Variants in ADGRG3 observed in about 807,000 individuals in gnomAD.
ADGRG3 encodes the protein G protein-coupled receptor 97.
A neutral mutation model predicts 54.3 loss-of-function variants in ADGRG3; 39 were observed. That is an observed-to-expected ratio of 0.72 (90% CI 0.56 to 0.94). The LOEUF is 0.94. Among genes scored for constraint, ADGRG3 ranks in the 40% least tolerant of loss-of-function variants. The probability of loss-of-function intolerance (pLI) is 0.00; values close to 1 mark genes in which losing one functional copy is unlikely to be tolerated. For missense variants in ADGRG3, 654 were observed against 694.6 expected (o/e 0.94, Z 0.66); for synonymous variants, 312 against 290.0 (o/e 1.08, Z -0.77).
At chr16:57,683,302 G>A (rs916733874) in intron 8 of ADGRG3, among the ~76,000 whole-genome samples, 20 of 152,158 alleles carry the variant, frequency 1.3e-4, no homozygotes, top group African/African-American at 4.8e-4. Flanking sequence ...CTTTGGGCCC[G>A]TGTACGTTTG....
upstream of ADGRG3, among the ~76,000 whole-genome samples, chr16:57,668,022 G>A (rs562217679): frequency 2.6e-5 from 4 of 152,316 alleles, no homozygotes; most frequent in Non-Finnish European, 5.9e-5. Flanking sequence ...CCAGGGATCC[G>A]CTCTGAGCCA....
At position 57,676,280 on chromosome 16, in the gene ADGRG3, T is replaced by G. The variant is rs772490521; in HGVS notation, c.287T>G (p.Val96Gly). ...KVNTPFLKAL[V>G]QNLSTNTAED... ...AACACGCCTTTCCTGAAGGCTTTGG[T>G]CCAGAACCTCAGCACCAACACTGCA... is the stretch of plus-strand genomic sequence containing the variant. Residue 96 changes from valine (V) to glycine (G), a missense_variant, in exon 3 of 12, where the codon GTC (valine) becomes GGC (glycine). Physicochemically the swap from Val to Gly is moderately radical, Grantham distance 109 (BLOSUM62 -3). Coordinates refer to ENST00000333493, the MANE Select transcript of ADGRG3 (RefSeq NM_170776.5). 5.6e-6 allele frequency: 9 copies of G among 1,614,128 alleles called. No homozygotes were observed. The highest frequency in any genetic ancestry group is 1.1e-5 in the South Asian group (1 of 91,086).
intron 2 of ADGRG3, among the ~76,000 whole-genome samples, chr16:57,673,681 T>G (rs1200988679): frequency 6.6e-6 from 1 of 152,154 alleles, no homozygotes. Context: ...ATGAATCCAC[T>G]CCTATCCTGG....
At chr16:57,668,181 C>A (rs529257525), upstream of ADGRG3, 2 of 619,980 alleles carry the variant, frequency 3.2e-6, no homozygotes, top group East Asian at 2.8e-5. Context: ...CCCACACTCA[C>A]CTTTCACAAC....
chr16:57,680,215 C>A, intron 6 of ADGRG3, 50 bp from the exon 7 acceptor site: 1 of 1,119,620 alleles, frequency 8.9e-7, no homozygotes. Flanking sequence ...CTCCCTTGCC[C>A]TCCCCTCCCT....
chr16:57,669,312 C>T (rs2048110329), intron 1 of ADGRG3, among the ~76,000 whole-genome samples: 1 of 152,238 alleles, frequency 6.6e-6, no homozygotes, highest in South Asian at 2.1e-4. Flanking sequence ...CTCTTCTTTT[C>T]AAACATTGGA....
chr16:57,684,286 G>T (rs1394167389), intron 9 of ADGRG3, 74 bp downstream of exon 9: 3 of 1,577,078 alleles, frequency 1.9e-6, no homozygotes, highest in African/African-American at 1.3e-5. Flanking sequence ...TGGGGAGAGA[G>T]AGGAGGGGTT....
upstream of ADGRG3, chr16:57,668,249 T>G: frequency 4.4e-6 from 4 of 917,592 alleles, no homozygotes; most frequent in Non-Finnish European, 6.7e-6. Flanking sequence ...GAAGCCAGAG[T>G]GGTGGGGCTG....
At chr16:57,665,812 G>C (rs535775107), upstream of ADGRG3, among the ~76,000 whole-genome samples, 1 of 152,316 alleles carries the variant, frequency 6.6e-6, no homozygotes, top group East Asian at 1.9e-4. Flanking sequence ...CCCAGCAGGG[G>C]AAGAGGCTCA....
At chr16:57,684,259 G>A (rs930521556) in intron 9 of ADGRG3, 47 bp downstream of exon 9, 8 of 1,590,906 alleles carry the variant, frequency 5.0e-6, no homozygotes, top group Middle Eastern at 1.7e-4. Flanking sequence ...CCCTGAGGGT[G>A]CAGAGGGAAA....
At chr16:57,670,930 T>TGAGC (rs1346465594) in intron 1 of ADGRG3, among the ~76,000 whole-genome samples, 3 of 152,188 alleles carry the variant, frequency 2.0e-5, no homozygotes, top group Non-Finnish European at 2.9e-5. Context: ...GGAAAGCAGA[T>TGAGC]GAGCCCCTGC....
intron 2 of ADGRG3, among the ~76,000 whole-genome samples, chr16:57,675,217 C>T (rs1314667389): frequency 1.3e-5 from 2 of 151,704 alleles, no homozygotes; most frequent in Non-Finnish European, 2.9e-5. Context: ...GGCTCGTGCC[C>T]AAAGTCATCC....
At chr16:57,673,516 G>T (rs760320640) in intron 2 of ADGRG3, 48 bp downstream of exon 2, 1 of 1,563,400 alleles carries the variant, frequency 6.4e-7, no homozygotes, top group East Asian at 2.3e-5. Context: ...CTGCTGGGAG[G>T]AGGACTATCA....
At chr16:57,685,546 G>T (rs1048705589) in intron 10 of ADGRG3, 97 bp from the exon 11 acceptor site, 5 of 1,188,978 alleles carry the variant, frequency 4.2e-6, no homozygotes, top group South Asian at 4.1e-5. Context: ...AATGGGAGAG[G>T]CACCTTCACA....
intron 1 of ADGRG3, among the ~76,000 whole-genome samples, chr16:57,668,943 C>T (rs2048101553): frequency 6.6e-6 from 1 of 152,244 alleles, no homozygotes; most frequent in African/African-American, 2.4e-5. Context: ...CACACTCCTC[C>T]CCGTCACTCT....
upstream of ADGRG3, among the ~76,000 whole-genome samples, chr16:57,667,633 G>A (rs1360636129): frequency 6.6e-6 from 1 of 152,238 alleles, no homozygotes; most frequent in African/African-American, 2.4e-5. Flanking sequence ...GAAGTGGCCA[G>A]GATGGATGTT....
chr16:57,678,426 C>A, intron 4 of ADGRG3, 110 bp downstream of exon 4: 2 of 1,063,068 alleles, frequency 1.9e-6, no homozygotes, highest in Non-Finnish European at 2.8e-6. Context: ...ACAGAGCAGG[C>A]AGTGAGCCTC....
At position 57,668,362 on chromosome 16, in the gene ADGRG3, G is replaced by T. The variant is rs62039891; in HGVS notation, c.15G>T (p.Arg5Ser). The change falls in exon 1 of 12, where the codon AGG becomes AGT. Residue 5 changes from arginine to serine, a missense_variant. Physicochemically the swap from Arg to Ser is moderately radical, Grantham distance 110. Coordinates refer to ENST00000333493, the MANE Select transcript of ADGRG3 (RefSeq NM_170776.5). ...GCTGGCCAAGGATGGCGACGCCCAG[G>T]GGCCTGGGGGCCCTGCTCCTGCTCC... MATP[R>S]GLGALLLLLL... 0.087 allele frequency: 137,257 copies of T among 1,573,874 alleles called. 6,535 individuals carry two copies. Among genetic ancestry groups the T allele is most frequent in the East Asian group, 0.17 (7,560 of 43,860 alleles).
chr16:57,678,383 T>C, intron 4 of ADGRG3, 67 bp downstream of exon 4: 1 of 1,522,926 alleles, frequency 6.6e-7, no homozygotes, highest in South Asian at 1.1e-5. Context: ...CACAGTTTGC[T>C]GTCACTGGAG....
Sources: gnomAD v4.1 joint callset for allele counts (sites outside exome capture counted in the v4.1 genomes callset) on GRCh38, gnomAD v4.1.1 for gene constraint, MANE v1.5 for transcripts, NCBI Gene and HGNC (gene_info 2026-07-23, HGNC 2026-07-21) for gene names.